The following PSG4 variants were observed in gnomAD, a reference collection of about 807,000 sequenced individuals.
PSG4 encodes the protein pregnancy-specific beta-1-glycoprotein 4.
In PSG4, 61 loss-of-function variants were observed where a neutral mutation model predicts 44.3. That is an observed-to-expected ratio of 1.38 (90% CI 1.12 to 1.70). The LOEUF (loss-of-function observed/expected upper bound fraction) is 1.70, where lower values mean the gene tolerates loss of function less well. Among genes scored for constraint, PSG4 ranks in the 40% most tolerant of loss-of-function variants. PSG4 has a pLI of 0.00. For missense variants in PSG4, 677 were observed against 511.7 expected, an observed-to-expected ratio of 1.32 and a Z score of -3.12; for synonymous variants, 248 against 191.3, an observed-to-expected ratio of 1.30 and a Z score of -2.45.
In PSG4 at chr19:43,199,898, T is replaced by A. The variant is rs534264517; in HGVS notation, c.431-1623A>T. Among the ~76,000 whole-genome samples, 41 of 145,232 alleles carry A rather than the reference T, an allele frequency of 2.8e-4. 2 individuals are homozygous for A. The highest frequency in any genetic ancestry group is 4.9e-4 in the Non-Finnish European group (33 of 67,162). ...GCTCAAAGAAAGATGCCAAAGGTGA[T>A]TGGAAATTAGCAGCTCCTTAAGTAG... On this transcript the variant is annotated intron_variant, in intron 2 of 5. Transcript: ENST00000405312.
Position 43,198,229 on chromosome 19 carries a change from C to A in PSG4, c.477G>T (p.Arg159Ser). The A allele has an allele frequency of 6.3e-7, 1 of 1,587,274 alleles. No individual in the cohort carries two copies. Among genetic ancestry groups the A allele is most frequent in the Non-Finnish European group, 8.5e-7 (1 of 1,171,752 alleles). Reference sequence around the variant, plus strand: ...TTAAGATCACAGCCTCCATGGCCTCCCTGGGATTTAAGTTGCTGCTGGAGA... The same window carrying A: ...TTAAGATCACAGCCTCCATGGCCTCACTGGGATTTAAGTTGCTGCTGGAGA... ...PSISSSNLNP[R>S]EAMEAVILTC... The change falls in exon 3 of 6, where the codon AGG becomes AGT. Residue 159 changes from arginine (R) to serine (S), a missense_variant. By Grantham distance (110) the Arg-to-Ser change is moderately radical. Coordinates refer to ENST00000405312, the MANE Select transcript of PSG4 (RefSeq NM_002780.5).
chr19:43,195,712 G>C (rs1967216195), intron 3 of PSG4, among the ~76,000 whole-genome samples: 1 of 151,198 alleles, frequency 6.6e-6, no homozygotes, highest in African/African-American at 2.4e-5. Context: ...TTCTAGAGAT[G>C]AGTAATAATG....
chr19:43,203,864 G>C (rs759851401), intron 2 of PSG4, 22 bp downstream of exon 2: 1 of 1,572,198 alleles, frequency 6.4e-7, no homozygotes, highest in Non-Finnish European at 8.6e-7. Context: ...CCAACACCCA[G>C]GGATCATGTG....
At chr19:43,205,326 C>A (rs180858957) in intron 1 of PSG4, 147 bp downstream of exon 1, 1 of 1,037,626 alleles carries the variant, frequency 9.6e-7, no homozygotes, top group Non-Finnish European at 1.3e-6. Context: ...CCAGACTGAT[C>A]TTGAACTCCT....
rs764695712 is a variant in PSG4 at position 43,205,515 on chromosome 19, G to A, written c.22C>T (p.Pro8Ser). 4.5e-6 allele frequency: 7 copies of A among 1,553,854 alleles called. 1 individual carries two copies. Among genetic ancestry groups the A allele is most frequent in the East Asian group, 5.9e-5 (2 of 34,020 alleles). ...TTCCAGGTGATGCGCTGTGTGCAGGGAGGGGCTGAGAGGGGCCCCATGGTC... is the reference window on the plus strand; with the variant it reads ...TTCCAGGTGATGCGCTGTGTGCAGGAAGGGGCTGAGAGGGGCCCCATGGTC... MGPLSAP[P>S]CTQRITWKGV... The change falls in exon 1 of 6, where the codon CCC becomes TCC. Residue 8 changes from proline to serine, a missense_variant. Physicochemically the swap from Pro to Ser is moderately conservative, Grantham distance 74. Transcript: ENST00000405312.
rs775377543 is a variant in PSG4 at position 43,194,439 on chromosome 19, G to A, written c.1144C>T (p.Pro382Ser). Residue 382 changes from proline (P) to serine (S), a missense_variant, in exon 5 of 6, where the codon CCC becomes TCC. Transcript: ENST00000405312. ...FQLSGQKLSIPQITTKHSGLY... is the reference protein window; with the variant it reads ...FQLSGQKLSISQITTKHSGLY... ...CCACTATGCTTTGTAGTTATTTGGG[G>A]GATAGAGAGCTTTTGTCCTGATAGC... is the stretch of plus-strand genomic sequence containing the variant. 40 of 1,612,250 alleles carry A rather than the reference G, an allele frequency of 2.5e-5. No homozygotes were observed. Among genetic ancestry groups the A allele is most frequent in the South Asian group, 3.3e-5 (3 of 91,030 alleles).
At chr19:43,202,796 C>G (rs867996264) in intron 2 of PSG4, among the ~76,000 whole-genome samples, 2 of 144,594 alleles carry the variant, frequency 1.4e-5, no homozygotes, top group Non-Finnish European at 1.5e-5. Context: ...TTTGCTCTCA[C>G]TCCTCTGAGG....
intron 1 of PSG4, among the ~76,000 whole-genome samples, chr19:43,205,199 G>T (rs372373719): frequency 3.9e-5 from 5 of 127,484 alleles, no homozygotes; most frequent in African/African-American, 1.6e-4. Flanking sequence ...CTTCTGCCTC[G>T]TGGGTGCACG....
intron 4 of PSG4, 138 bp downstream of exon 4, chr19:43,194,853 CAGGG>C: frequency 6.6e-7 from 1 of 1,507,892 alleles, no homozygotes; most frequent in Non-Finnish European, 8.9e-7. Context: ...TAGGTTTTCC[CAGGG>C]CAGGGAGTCA....
rs1354428203 is a variant in PSG4, at chr19:43,200,193, C to T, written c.431-1918G>A. ...GAGTCTAAGTGAGATGCCAATGGCT[C>T]GTGTGTCTGCCCACGTGAAGAAATC... On this transcript the variant is annotated intron_variant, in intron 2 of 5. Coordinates refer to ENST00000405312, the MANE Select transcript of PSG4 (RefSeq NM_002780.5). Among the ~76,000 whole-genome samples, 6 of 144,762 alleles carry T rather than the reference C, an allele frequency of 4.1e-5. 2 individuals carry two copies. Among genetic ancestry groups the T allele is most frequent in the African/African-American group, 1.3e-4 (5 of 37,576 alleles). The allele number at this position is 144,762 out of a possible 152,430, so 95.0% of individuals were successfully genotyped here.
rs531892096 is a variant in PSG4 at position 43,193,191 on chromosome 19, C to G, written c.*181G>C. ...TTATCCTGGTTTACAGTTTGAGTAG[C>G]TGTTGTTATGGTGTCGAACATTTTG... On this transcript the variant is annotated 3_prime_UTR_variant, in exon 6 of 6. Coordinates refer to ENST00000405312, the MANE Select transcript of PSG4 (RefSeq NM_002780.5). 1 of 753,054 alleles carries G rather than the reference C, an allele frequency of 1.3e-6. No individual in the cohort carries two copies. The highest frequency in any genetic ancestry group is 1.7e-5 in the African/African-American group (1 of 58,440). The allele number at this position is 753,054 out of a possible 1,614,324, so 46.6% of individuals were successfully genotyped here.
intron 5 of PSG4, chr19:43,194,020 C>G (rs1280186782): frequency 2.0e-6 from 2 of 991,322 alleles, no homozygotes; most frequent in African/African-American, 1.7e-5. Flanking sequence ...TTCCATAAAT[C>G]TAGAAAACAA....
chr19:43,198,175 G>A lies in PSG4; in HGVS notation c.531C>T (p.Ser177=), dbSNP rs73548061. 69 of 1,587,876 alleles carry A rather than the reference G, an allele frequency of 4.3e-5. 7 individuals carry two copies. The highest frequency in any genetic ancestry group is 5.8e-5 in the Non-Finnish European group (68 of 1,171,944). Residue 177 remains serine, a synonymous_variant, in exon 3 of 6, where the codon AGC becomes AGT. Transcript: ENST00000405312. ...LTCDPATPAA[S]YQWWMNGQSL... ...TCTGACCATTCATCCACCACTGGTA[G>A]CTTGCGGCTGGAGTCGCAGGATCAC...
chr19:43,204,775 G>T lies in PSG4; in HGVS notation c.65-524C>A, dbSNP rs1316870290. The T allele has an allele frequency of 7.7e-6, 3 of 390,958 alleles. 1 individual carries two copies. The highest frequency in any genetic ancestry group is 1.5e-5 in the Non-Finnish European group (3 of 202,266). 24.2% of individuals were successfully genotyped at this position (390,958 alleles called of 1,614,324 possible). A position where few individuals can be genotyped will look rare whatever the true frequency, so the allele number is the denominator to read the frequency against. ...TGCACCCCAGTACCTGGAACAGGCG[G>T]CAGACTCCTGTAGATGTGAGAGTTC... is the stretch of plus-strand genomic sequence containing the variant. On this transcript the variant is annotated intron_variant, in intron 1 of 5. Coordinates refer to ENST00000405312, the MANE Select transcript of PSG4 (RefSeq NM_002780.5).
rs62116473 is a variant in PSG4, at chr19:43,199,960, G to C, written c.431-1685C>G. ...TTAAAAGGACAGAACTGGTCAGTGC[G>C]TCAATTACATAAAGGGAGGAAGGAT... On this transcript the variant is annotated intron_variant, in intron 2 of 5. Coordinates refer to ENST00000405312, the MANE Select transcript of PSG4 (RefSeq NM_002780.5). Among the ~76,000 whole-genome samples, 263 of 144,810 alleles carry C rather than the reference G, an allele frequency of 1.8e-3. 2 individuals are homozygous for C. The highest frequency in any genetic ancestry group is 2.8e-3 in the Admixed American group (40 of 14,520).
chr19:43,203,931 C>A lies in PSG4; in HGVS notation c.385G>T (p.Asp129Tyr). 3 of 1,585,466 alleles carry A rather than the reference C, an allele frequency of 1.9e-6. No homozygotes were observed. The highest frequency in any genetic ancestry group is 1.1e-5 in the South Asian group (1 of 89,616). ...TGTCCAGTTACTCCTCCAGTCCCAT[C>A]GCGTCGCTTTATGATGTGTAAGGTG... ...SYTLHIIKRR[D>Y]GTGGVTGHFT... The change falls in exon 2 of 6, where the codon GAT (aspartate) becomes TAT (tyrosine). Residue 129 changes from aspartate to tyrosine, a missense_variant. Physicochemically the swap from Asp to Tyr is radical, Grantham distance 160. Transcript: ENST00000405312.
intron 2 of PSG4, among the ~76,000 whole-genome samples, chr19:43,200,147 TAA>T (rs1252533189): frequency 6.9e-6 from 1 of 145,428 alleles, no homozygotes; most frequent in Non-Finnish European, 1.5e-5. Context: ...CACTAAAGTT[TAA>T]GTTTGTGTGA....
chr19:43,205,213 T>G (rs1967726003), intron 1 of PSG4, among the ~76,000 whole-genome samples: 1 of 137,014 alleles, frequency 7.3e-6, no homozygotes, highest in Admixed American at 7.3e-5. Flanking sequence ...GTGCACGTGA[T>G]TCTCCTGCCA....
chr19:43,201,294 A>T (rs1263587223), intron 2 of PSG4, among the ~76,000 whole-genome samples: 5 of 145,500 alleles, frequency 3.4e-5, no homozygotes, highest in African/African-American at 5.3e-5. Context: ...TTGCCCAGGG[A>T]CGGCCTTTGT....
Sources: allele counts gnomAD v4.1 joint callset (sites outside exome capture counted in the v4.1 genomes callset), GRCh38; gene constraint gnomAD v4.1.1; transcripts MANE v1.5; gene names NCBI Gene and HGNC (gene_info 2026-07-23, HGNC 2026-07-21).